Variants in TRAP1 observed in about 807,000 individuals in gnomAD.
TRAP1 encodes the protein heat shock protein 75 kDa, mitochondrial.
In TRAP1, 102 loss-of-function variants were observed where a neutral mutation model predicts 89.1. That is an observed-to-expected ratio of 1.15 (90% CI 0.98 to 1.35). The LOEUF (loss-of-function observed/expected upper bound fraction) is 1.35, where lower values mean the gene tolerates loss of function less well. Among genes scored for constraint, TRAP1 ranks in the 40% most tolerant of loss-of-function variants. TRAP1 has a pLI of 0.00. For missense variants in TRAP1, 1,256 were observed against 945.3 expected, an observed-to-expected ratio of 1.33 and a Z score of -4.31; for synonymous variants, 508 against 388.0, an observed-to-expected ratio of 1.31 and a Z score of -3.64.
At position 3,686,011 on chromosome 16, in the gene TRAP1, G is replaced by A. The variant is rs745351716; in HGVS notation, c.456C>T (p.Gly152=). The part of the protein sequence containing the change: ...EIHLQTNAEK[G]TITIQDTGIG... ...AGGGAGGTACCTGGATGGTGATGGT[G>A]CCTTTCTCGGCATTGGTCTGCAAGT... is the stretch of plus-strand genomic sequence containing the variant. Residue 152 remains glycine, a synonymous_variant, in exon 4 of 18, where the codon GGC becomes GGT. Transcript: ENST00000246957. 6 of 1,613,892 alleles carry A rather than the reference G, an allele frequency of 3.7e-6. No homozygotes were observed. The highest frequency in any genetic ancestry group is 4.2e-6 in the Non-Finnish European group (5 of 1,179,970).
At chr16:3,663,932 G>C (rs1177586813) in intron 13 of TRAP1, 1 of 355,114 alleles carries the variant, frequency 2.8e-6, no homozygotes, top group Non-Finnish European at 5.2e-6. Context: ...GTGTGGTGGT[G>C]TGCACCTGTA....
intron 2 of TRAP1, chr16:3,689,595 G>A (rs1420657378): frequency 6.5e-6 from 1 of 153,674 alleles, no homozygotes; most frequent in Non-Finnish European, 1.4e-5. Flanking sequence ...CCAGCACTTT[G>A]GGAGGCCAAG....
At chr16:3,676,166 A>G in intron 6 of TRAP1, 21 bp from the exon 7 acceptor site, 1 of 1,608,724 alleles carries the variant, frequency 6.2e-7, no homozygotes, top group South Asian at 1.1e-5. Context: ...CAAAGAAAGG[A>G]AAAGCCAGGT....
chr16:3,659,566 T>C (rs1340121715), intron 16 of TRAP1: 1 of 152,158 alleles, frequency 6.6e-6, no homozygotes, highest in African/African-American at 2.4e-5. Flanking sequence ...ATGTAGTATT[T>C]AACCTTAACA....
At position 3,673,206 on chromosome 16, in the gene TRAP1, A is replaced by G. The variant is rs184191225; in HGVS notation, c.1045-386T>C. On this transcript the variant is annotated intron_variant, in intron 9 of 17. Transcript: ENST00000246957. ...CCTAAGAGTGGTTTTTACACTTTCA[A>G]ACAGTTGAGGAAAGATTTCAAAAAG... Among the ~76,000 whole-genome samples the G allele has an allele frequency of 1.8e-4, 27 of 152,304 alleles. No individual in the cohort carries two copies. The East Asian group carries it at 3.3e-3, about 19-fold the overall frequency.
intron 1 of TRAP1, among the ~76,000 whole-genome samples, chr16:3,705,114 G>C (rs563207866): frequency 4.6e-5 from 7 of 152,270 alleles, no homozygotes; most frequent in Middle Eastern, 3.4e-3. Context: ...GCCCAGGCTG[G>C]AGTGCAGTGG....
At chr16:3,677,103 G>C (rs2151257658) in intron 6 of TRAP1, among the ~76,000 whole-genome samples, 1 of 150,788 alleles carries the variant, frequency 6.6e-6, no homozygotes, top group East Asian at 2.0e-4. Flanking sequence ...TCACCCTATA[G>C]AGGCAGAAGT....
At chr16:3,676,221 C>T in intron 6 of TRAP1, 76 bp from the exon 7 acceptor site, 1 of 1,327,348 alleles carries the variant, frequency 7.5e-7, no homozygotes, top group South Asian at 1.3e-5. Context: ...CCAGCGGTTC[C>T]CGAGGGTTTC....
intron 4 of TRAP1, among the ~76,000 whole-genome samples, chr16:3,684,238 A>G (rs1013987672): frequency 4.6e-5 from 7 of 152,196 alleles, no homozygotes; most frequent in Non-Finnish European, 1.0e-4. Context: ...TGACATCAAA[A>G]GAAAAAGATG....
intron 1 of TRAP1, among the ~76,000 whole-genome samples, chr16:3,712,568 C>G (rs1263294535): frequency 2.0e-5 from 3 of 152,114 alleles, no homozygotes. Flanking sequence ...AACTACTCAC[C>G]CAGTAACCAA....
At chr16:3,664,577 A>G (rs920382798) in intron 12 of TRAP1, 118 bp from the exon 13 acceptor site, 4 of 1,124,456 alleles carry the variant, frequency 3.6e-6, no homozygotes, top group Non-Finnish European at 5.0e-6. Context: ...GCTGGCCCTG[A>G]CCCGAGGGAC....
intron 1 of TRAP1, among the ~76,000 whole-genome samples, chr16:3,706,454 C>A (rs887044234): frequency 3.1e-5 from 4 of 130,222 alleles, no homozygotes; most frequent in Non-Finnish European, 4.9e-5. Flanking sequence ...CCTATTTGCA[C>A]TCTTTTTTTT....
intron 16 of TRAP1, chr16:3,661,095 T>C (rs1206478368): frequency 1.9e-4 from 29 of 152,106 alleles, no homozygotes; most frequent in Admixed American, 1.9e-3. Context: ...TACAAGTTAG[T>C]TCATATACAA....
At chr16:3,674,999 G>C in intron 8 of TRAP1, 1 of 361,472 alleles carries the variant, frequency 2.8e-6, no homozygotes, top group Non-Finnish European at 5.1e-6. Context: ...GGGGTGATGG[G>C]ATGTTCTGGA....
chr16:3,671,159 G>C (rs2050907811), intron 11 of TRAP1, among the ~76,000 whole-genome samples: 1 of 152,086 alleles, frequency 6.6e-6, no homozygotes, highest in Admixed American at 6.5e-5. Flanking sequence ...TCACCCCACA[G>C]GCTCCCTCTG....
At chr16:3,668,902 G>A (rs939283258) in intron 11 of TRAP1, among the ~76,000 whole-genome samples, 4 of 152,206 alleles carry the variant, frequency 2.6e-5, no homozygotes, top group African/African-American at 9.7e-5. Flanking sequence ...TCAGGATGGG[G>A]AGAGGAACGC....
At position 3,658,060 on chromosome 16, in the gene TRAP1, T is replaced by C; in HGVS notation, c.*69A>G. On this transcript the variant is annotated 3_prime_UTR_variant, in exon 18 of 18. Coordinates refer to ENST00000246957, the MANE Select transcript of TRAP1 (RefSeq NM_016292.3). The stretch of plus-strand genomic sequence containing the variant: ...ACTCGGGTTAAGAAATACCTTTAAA[T>C]TTAGGTAAATAAAGCTCAAGGAGGT... 2 of 1,608,148 alleles carry C rather than the reference T, an allele frequency of 1.2e-6. No homozygotes were observed. Among genetic ancestry groups the C allele is most frequent in the Middle Eastern group, 1.7e-4 (1 of 6,060 alleles).
At chr16:3,664,066 A>C in intron 13 of TRAP1, 1 of 555,904 alleles carries the variant, frequency 1.8e-6, no homozygotes, top group Non-Finnish European at 3.0e-6. Context: ...CCATCTCAAA[A>C]AAACAAAAAA....
chr16:3,675,898 C>G, intron 7 of TRAP1, 138 bp downstream of exon 7: 1 of 723,666 alleles, frequency 1.4e-6, no homozygotes, highest in Non-Finnish European at 2.2e-6. Flanking sequence ...CCCTCCCAGT[C>G]CCGCAGCGGC....
Sources: gnomAD v4.1 joint callset for allele counts (sites outside exome capture counted in the v4.1 genomes callset) on GRCh38, gnomAD v4.1.1 for gene constraint, MANE v1.5 for transcripts, NCBI Gene and HGNC (gene_info 2026-07-23, HGNC 2026-07-21) for gene names.